The following SCN11A variants were observed in gnomAD, a reference collection of about 807,000 sequenced individuals.
SCN11A encodes the protein sodium channel protein type 11 subunit alpha.
Under a neutral mutation model 162.2 loss-of-function variants are expected in SCN11A, and 122 were observed. The ratio of observed to expected loss-of-function variants is 0.75; its 90% CI spans 0.65 to 0.87. The LOEUF (loss-of-function observed/expected upper bound fraction) is 0.87. Ranked by LOEUF, SCN11A falls within the 40% of genes least tolerant of loss-of-function variation. The probability of loss-of-function intolerance (pLI) is 0.00; values close to 1 mark genes in which losing one functional copy is unlikely to be tolerated. For missense variants in SCN11A, 2,015 were observed against 2,181.6 expected (o/e 0.92, Z 1.52); for synonymous variants, 758 against 751.5 (o/e 1.01, Z -0.14).
intron 28 of SCN11A, among the ~76,000 whole-genome samples, chr3:38,861,429 A>G (rs2064962126): frequency 6.6e-6 from 1 of 152,198 alleles, no homozygotes; most frequent in South Asian, 2.1e-4. Context: ...GAGCCTGCAT[A>G]GCCAAAGCAA....
intron 2 of SCN11A, among the ~76,000 whole-genome samples, chr3:38,986,626 C>CTG (rs1310322345): frequency 5.3e-5 from 8 of 151,670 alleles, no homozygotes; most frequent in Admixed American, 1.3e-4. Context: ...CTCTCTCTCT[C>CTG]TGTGTGTGTG....
chr3:38,951,548 A>G (rs1269359714), intron 4 of SCN11A, among the ~76,000 whole-genome samples: 1 of 152,242 alleles, frequency 6.6e-6, no homozygotes, highest in Admixed American at 6.5e-5. Flanking sequence ...CGCATGGCGC[A>G]GGACTGGCAG....
At chr3:38,993,285 G>A (rs1217801862) in intron 2 of SCN11A, among the ~76,000 whole-genome samples, 1 of 152,086 alleles carries the variant, frequency 6.6e-6, no homozygotes, top group Non-Finnish European at 1.5e-5. Flanking sequence ...ATTCATTGGA[G>A]AATCCAGGAT....
intron 2 of SCN11A, among the ~76,000 whole-genome samples, chr3:39,025,013 C>T (rs974962882): frequency 2.0e-5 from 3 of 152,164 alleles, no homozygotes; most frequent in South Asian, 4.1e-4. Context: ...AGCAAACCCT[C>T]AAAGCGCCAA....
At chr3:38,948,695 C>T (rs905677170) in intron 5 of SCN11A, among the ~76,000 whole-genome samples, 2 of 152,294 alleles carry the variant, frequency 1.3e-5, no homozygotes, top group Admixed American at 6.5e-5. Flanking sequence ...AAACAGATAT[C>T]GTGTCTTCTT....
intron 28 of SCN11A, among the ~76,000 whole-genome samples, chr3:38,858,790 A>G (rs1231073733): frequency 6.6e-6 from 1 of 152,168 alleles, no homozygotes; most frequent in Non-Finnish European, 1.5e-5. Flanking sequence ...AAGTCATAAT[A>G]AATTTAAGAA....
chr3:38,923,036 G>T (rs572346235), intron 9 of SCN11A, among the ~76,000 whole-genome samples: 3 of 152,210 alleles, frequency 2.0e-5, no homozygotes, highest in Middle Eastern at 6.8e-3. Flanking sequence ...GAGAGGAAAA[G>T]GGTGTGCTAT....
In SCN11A at chr3:38,900,193, A is replaced by C. The variant is rs79117622; in HGVS notation, c.1843-120T>G. ...AAAGTATTCTCATGATTGACACACT[A>C]TACCCTAAAGTCCATGCAATAGAAA... On this transcript the variant is annotated intron_variant, in intron 16 of 29. Transcript: ENST00000302328. 1.9e-3 allele frequency: 1,365 copies of C among 736,890 alleles called. 32 individuals are homozygous for C. In the East Asian group the frequency reaches 0.035, roughly 19 times the overall value. The allele number at this position is 736,890 out of a possible 1,614,324, so 45.6% of individuals were successfully genotyped here. A position where few individuals can be genotyped will look rare whatever the true frequency, so the allele number is the denominator to read the frequency against.
intron 11 of SCN11A, among the ~76,000 whole-genome samples, chr3:38,916,758 C>T (rs1258681636): frequency 6.6e-6 from 1 of 152,186 alleles, no homozygotes; most frequent in African/African-American, 2.4e-5. Flanking sequence ...TCTTTATCTA[C>T]TGGAACCTCC....
At position 38,847,527 on chromosome 3, in the gene SCN11A, C is replaced by G; in HGVS notation, c.4543G>C (p.Gly1515Arg). The G allele has an allele frequency of 6.2e-7, 1 of 1,614,072 alleles. No individual in the cohort carries two copies. The highest frequency in any genetic ancestry group is 1.1e-5 in the South Asian group (1 of 91,074). The change falls in exon 30 of 30, where the codon GGT becomes CGT. Residue 1515 changes from glycine (G) to arginine (R), a missense_variant. Coordinates refer to ENST00000302328, the MANE Select transcript of SCN11A (RefSeq NM_001349253.2). ...TTCACTTTGGAAAACCAGTTCATAC[C>G]CAGAATGGCATAGATAAACATAATC... ...FLIMFIYAIL[G>R]MNWFSKVNPE...
At chr3:39,034,263 T>G (rs551490399) in intron 1 of SCN11A, among the ~76,000 whole-genome samples, 1 of 152,264 alleles carries the variant, frequency 6.6e-6, no homozygotes, top group South Asian at 2.1e-4. Context: ...TATGACCAAG[T>G]GGAATTCAGC....
At chr3:38,935,212 G>A (rs2066310840) in intron 7 of SCN11A, among the ~76,000 whole-genome samples, 1 of 151,914 alleles carries the variant, frequency 6.6e-6, no homozygotes, top group Non-Finnish European at 1.5e-5. Context: ...GAATCTCTGG[G>A]ACACATTCAA....
chr3:39,035,690 C>T lies in SCN11A; in HGVS notation c.-403-3187G>A, dbSNP rs914556653. 3.3e-5 allele frequency among the ~76,000 whole-genome samples: 5 copies of T among 151,728 alleles called. No homozygotes were observed. The South Asian group carries it at 8.3e-4, about 25-fold the overall frequency. The stretch of plus-strand genomic sequence containing the variant: ...AGTCTCGCTCTGTTGCCCAGGCTGG[C>T]GTGCAGTGGCACAATCTCAGCTCAC... On this transcript the variant is annotated intron_variant, in intron 1 of 29. Coordinates refer to ENST00000302328, the MANE Select transcript of SCN11A (RefSeq NM_001349253.2).
At chr3:38,944,981 A>T (rs2066494949) in intron 7 of SCN11A, among the ~76,000 whole-genome samples, 1 of 152,086 alleles carries the variant, frequency 6.6e-6, no homozygotes, top group South Asian at 2.1e-4. Flanking sequence ...AAAAAAAAAT[A>T]AAAAAAGAAT....
intron 11 of SCN11A, among the ~76,000 whole-genome samples, chr3:38,916,083 T>C (rs1349257804): frequency 6.6e-6 from 1 of 152,222 alleles, no homozygotes; most frequent in East Asian, 1.9e-4. Flanking sequence ...TTTTTATCTT[T>C]GTTGGTTTAA....
chr3:38,974,255 C>T (rs1422709510), intron 2 of SCN11A, among the ~76,000 whole-genome samples: 1 of 151,936 alleles, frequency 6.6e-6, no homozygotes, highest in Non-Finnish European at 1.5e-5. Flanking sequence ...AAATGTAATG[C>T]ACAAGTTAAA....
At chr3:38,979,149 A>G (rs2029911440) in intron 2 of SCN11A, among the ~76,000 whole-genome samples, 1 of 152,202 alleles carries the variant, frequency 6.6e-6, no homozygotes, top group Non-Finnish European at 1.5e-5. Context: ...TTTGCTCACC[A>G]TTGAATTTCC....
intron 7 of SCN11A, among the ~76,000 whole-genome samples, chr3:38,939,938 G>A (rs930291576): frequency 5.3e-5 from 8 of 151,510 alleles, no homozygotes; most frequent in Admixed American, 3.3e-4. Flanking sequence ...GGGAAAGATG[G>A]GGAGGAGCCA....
At chr3:38,891,691 T>C (rs540242977) in intron 19 of SCN11A, among the ~76,000 whole-genome samples, 16 of 152,286 alleles carry the variant, frequency 1.1e-4, no homozygotes, top group African/African-American at 3.6e-4. Flanking sequence ...CATCACCACA[T>C]GGCAAGAAAG....
Sources: gnomAD v4.1 joint callset for allele counts (sites outside exome capture counted in the v4.1 genomes callset) on GRCh38, gnomAD v4.1.1 for gene constraint, MANE v1.5 for transcripts, NCBI Gene and HGNC (gene_info 2026-07-23, HGNC 2026-07-21) for gene names.